Variants in PCDHGB5 observed in about 807,000 individuals in gnomAD.
PCDHGB5 encodes the protein protocadherin gamma-B5.
PCDHGB5 carries 48 observed loss-of-function variants against 62.9 expected under a neutral mutation model. The observed-to-expected ratio is 0.76, with a 90% CI of 0.61 to 0.97. PCDHGB5 has a LOEUF of 0.97. Ranked by LOEUF, PCDHGB5 falls within the 50% of genes least tolerant of loss-of-function variation. PCDHGB5 has a pLI of 0.00. For missense variants in PCDHGB5, 1,118 were observed against 1,198.6 expected (o/e 0.93, Z 0.99); for synonymous variants, 474 against 511.2 (o/e 0.93, Z 0.98).
intron 1 of PCDHGB5, among the ~76,000 whole-genome samples, chr5:141,448,287 C>G (rs1394399947): frequency 6.6e-6 from 1 of 152,130 alleles, no homozygotes; most frequent in Non-Finnish European, 1.5e-5. Flanking sequence ...GCAACTTGCT[C>G]TTTCCACTTA....
At position 141,431,525 on chromosome 5, in the gene PCDHGB5, G is replaced by A. The variant is rs1390184616; in HGVS notation, c.2397+31001G>A. The A allele has an allele frequency of 5.6e-6, 9 of 1,613,956 alleles. No individual in the cohort carries two copies. Among genetic ancestry groups the A allele is most frequent in the Non-Finnish European group, 7.6e-6 (9 of 1,180,044 alleles). ...CCGCGCGAGCGTTCCGGAGAATCTG[G>A]CCTTGGGCACGCAGCTGCTTGTAGT... On this transcript the variant is annotated intron_variant, in intron 1 of 3. Transcript: ENST00000617380. This position sits in a 1 kb window ranked among gnomAD's most constrained non-coding sequence, Gnocchi z 4.8.
At chr5:141,510,799 C>G in intron 3 of PCDHGB5, 148 bp from the exon 4 acceptor site, 1 of 1,481,460 alleles carries the variant, frequency 6.8e-7, no homozygotes. Context: ...TGAAGAGAGA[C>G]TACCTTGGTG....
intron 1 of PCDHGB5, chr5:141,413,527 G>T (rs768496934): frequency 1.2e-6 from 2 of 1,613,820 alleles, no homozygotes; most frequent in African/African-American, 1.3e-5. Flanking sequence ...GGAAGACAGG[G>T]TGAAACTTTT....
At chr5:141,417,784 G>T in intron 1 of PCDHGB5, 2 of 1,474,908 alleles carry the variant, frequency 1.4e-6, no homozygotes, top group Non-Finnish European at 9.0e-7. Context: ...GTCCTGGGCC[G>T]AATGCTCTTT....
rs777537045 is a variant in PCDHGB5 at position 141,490,191 on chromosome 5, A to T, written c.2398-4616A>T. The T allele has an allele frequency of 6.2e-7, 1 of 1,614,176 alleles. No homozygotes were observed. The highest frequency in any genetic ancestry group is 1.1e-5 in the South Asian group (1 of 91,082). On this transcript the variant is annotated intron_variant, in intron 1 of 3. Coordinates refer to ENST00000617380, the MANE Select transcript of PCDHGB5 (RefSeq NM_018925.3). The surrounding 1 kb of genome is among the most constrained non-coding windows in gnomAD (Gnocchi z 5.4). ...ACTTTGAGGAGTCACGTTTCTATGA[A>T]ATTCATGCAAGAGCCCGTGACCAGG...
At chr5:141,451,004 T>A (rs2098704048) in intron 1 of PCDHGB5, among the ~76,000 whole-genome samples, 1 of 151,474 alleles carries the variant, frequency 6.6e-6, no homozygotes, top group South Asian at 2.1e-4. Flanking sequence ...TTTTTGTATT[T>A]TTTTTAGTAG....
intron 1 of PCDHGB5, chr5:141,403,381 C>T (rs1022563452): frequency 4.3e-6 from 7 of 1,614,038 alleles, no homozygotes; most frequent in Non-Finnish European, 8.5e-7. Context: ...TAAAAATTAA[C>T]GAAATCGCGG....
chr5:141,421,991 A>T, intron 1 of PCDHGB5: 1 of 1,608,656 alleles, frequency 6.2e-7, no homozygotes, highest in Non-Finnish European at 8.5e-7. Context: ...GTTCCAGAAA[A>T]CATCAGCTCC....
chr5:141,481,913 C>CA (rs34114744), intron 1 of PCDHGB5, among the ~76,000 whole-genome samples: 1,134 of 90,654 alleles, frequency 0.013, 16 homozygotes, highest in East Asian at 0.053. Flanking sequence ...AACTCCATCT[C>CA]AAAAAAAAAA....
intron 1 of PCDHGB5, chr5:141,408,804 A>G (rs577658697): frequency 1.9e-6 from 3 of 1,613,264 alleles, no homozygotes; most frequent in African/African-American, 2.7e-5. Context: ...AAACTCCTAG[A>G]CCGGGAAGAA....
Position 141,431,962 on chromosome 5 carries a change from C to G in PCDHGB5, c.2397+31438C>G. 1.2e-6 allele frequency: 2 copies of G among 1,614,190 alleles called. No homozygotes were observed. Among genetic ancestry groups the G allele is most frequent in the South Asian group, 2.2e-5 (2 of 91,086 alleles). ...AATTAGAAAAATCTTACGGAAATTACTATAGTTTAGTCACAGACATAGTCT... is the reference window on the plus strand; with the variant it reads ...AATTAGAAAAATCTTACGGAAATTAGTATAGTTTAGTCACAGACATAGTCT... On this transcript the variant is annotated intron_variant, in intron 1 of 3. Transcript: ENST00000617380. The surrounding 1 kb of genome is among the most constrained non-coding windows in gnomAD (Gnocchi z 4.8).
intron 2 of PCDHGB5, among the ~76,000 whole-genome samples, chr5:141,497,721 G>A (rs2099778948): frequency 6.6e-6 from 1 of 152,006 alleles, no homozygotes; most frequent in African/African-American, 2.4e-5. Flanking sequence ...TGTATTTTTA[G>A]TAGAGATGGG....
chr5:141,455,593 C>T (rs957677108), intron 1 of PCDHGB5, among the ~76,000 whole-genome samples: 4 of 152,070 alleles, frequency 2.6e-5, no homozygotes, highest in Non-Finnish European at 5.9e-5. Flanking sequence ...AATATGCAAA[C>T]GTAGGGCGCC....
At chr5:141,471,901 G>C (rs1224804131) in intron 1 of PCDHGB5, among the ~76,000 whole-genome samples, 1 of 152,146 alleles carries the variant, frequency 6.6e-6, no homozygotes, top group Non-Finnish European at 1.5e-5. Context: ...ATTGACTACA[G>C]ACAAGCATGA....
At chr5:141,421,241 T>C in intron 1 of PCDHGB5, 1 of 1,600,982 alleles carries the variant, frequency 6.2e-7, no homozygotes, top group Non-Finnish European at 8.5e-7. Flanking sequence ...GCGAATCGGC[T>C]ACAGCGCGGG....
intron 1 of PCDHGB5, among the ~76,000 whole-genome samples, chr5:141,401,347 A>T (rs2094143126): frequency 6.6e-6 from 1 of 152,228 alleles, no homozygotes; most frequent in South Asian, 2.1e-4. Context: ...CATCTCAAAA[A>T]AAAGGAAGGA....
rs1289890545 is a variant in PCDHGB5, at chr5:141,414,874, C to T, written c.2397+14350C>T. ...CCAGAACGACAATGCGCCCGAGATC[C>T]TGTACCCCGCCCTCCCCACAGACGG... is the stretch of plus-strand genomic sequence containing the variant. On this transcript the variant is annotated intron_variant, in intron 1 of 3. Transcript: ENST00000617380. 3.7e-6 allele frequency: 6 copies of T among 1,614,136 alleles called. No individual in the cohort carries two copies. The African/African-American group carries it at 8.0e-5, about 22-fold the overall frequency.
At chr5:141,480,497 A>G (rs909585240) in intron 1 of PCDHGB5, among the ~76,000 whole-genome samples, 6 of 152,236 alleles carry the variant, frequency 3.9e-5, no homozygotes, top group Non-Finnish European at 8.8e-5. Flanking sequence ...CCTTAGAAAT[A>G]CACATATGAG....
At position 141,477,722 on chromosome 5, in the gene PCDHGB5, A is replaced by G. The variant is rs768705340; in HGVS notation, c.2398-17085A>G. 9.3e-6 allele frequency: 15 copies of G among 1,613,878 alleles called. No homozygotes were observed. In the Middle Eastern group the frequency reaches 6.6e-4, roughly 71 times the overall value. On this transcript the variant is annotated intron_variant, in intron 1 of 3. Transcript: ENST00000617380. The surrounding 1 kb of genome is among the most constrained non-coding windows in gnomAD (Gnocchi z 4.9). ...TGAGGATCGGCGGGAATTTGAATTA[A>G]CAGCTCATATCAGCGATGGGGGCAC...
Sources: gnomAD v4.1 joint callset for allele counts (sites outside exome capture counted in the v4.1 genomes callset) on GRCh38, gnomAD v4.1.1 for gene constraint, Gnocchi (gnomAD v3.1) non-coding constraint, MANE v1.5 for transcripts, NCBI Gene and HGNC (gene_info 2026-07-23, HGNC 2026-07-21) for gene names.